Variants in PRUNE2 observed in about 807,000 individuals in gnomAD.
PRUNE2 encodes prune homolog 2 with BCH domain, also known as protein prune homolog 2.
In PRUNE2, 164 loss-of-function variants were observed where a neutral mutation model predicts 252.0. The observed-to-expected ratio is 0.65, with a 90% CI of 0.57 to 0.74. The LOEUF (loss-of-function observed/expected upper bound fraction) is 0.74. Among genes scored for constraint, PRUNE2 ranks in the 30% least tolerant of loss-of-function variants. The probability of loss-of-function intolerance (pLI) is 0.00; values close to 1 mark genes in which losing one functional copy is unlikely to be tolerated. For synonymous variants in PRUNE2, 1,292 were observed against 1,350.2 expected (o/e 0.96, Z 0.94); for missense variants, 3,495 against 3,711.0 (o/e 0.94, Z 1.51).
chr9:76,811,705 C>A (rs1399444674), intron 6 of PRUNE2, among the ~76,000 whole-genome samples: 1 of 152,118 alleles, frequency 6.6e-6, no homozygotes, highest in East Asian at 1.9e-4. Context: ...TAAATTTATT[C>A]AAAAATGCTT....
chr9:76,752,031 T>C (rs2050650510), intron 6 of PRUNE2, among the ~76,000 whole-genome samples: 1 of 82,962 alleles, frequency 1.2e-5, no homozygotes, highest in Admixed American at 1.4e-4. Context: ...AAATCAAATA[T>C]CAGGATTAGA....
intron 18 of PRUNE2, among the ~76,000 whole-genome samples, chr9:76,616,073 G>A (rs1402886351): frequency 4.0e-5 from 6 of 151,096 alleles, no homozygotes; most frequent in Non-Finnish European, 8.8e-5. Flanking sequence ...CGGCCCCTCA[G>A]TGTTTTTTTG....
chr9:76,801,059 T>A (rs1260278371), intron 6 of PRUNE2, among the ~76,000 whole-genome samples: 1 of 152,182 alleles, frequency 6.6e-6, no homozygotes, highest in Non-Finnish European at 1.5e-5. Flanking sequence ...GCTCACCAAC[T>A]GCCCTCTCCT....
At chr9:76,851,544 T>G (rs2059961184) in intron 2 of PRUNE2, among the ~76,000 whole-genome samples, 1 of 132,368 alleles carries the variant, frequency 7.6e-6, no homozygotes. Flanking sequence ...CAAGACTCTG[T>G]CTCGGAAAAA....
intron 6 of PRUNE2, among the ~76,000 whole-genome samples, chr9:76,814,295 G>C (rs115230901): frequency 6.6e-6 from 1 of 152,164 alleles, no homozygotes; most frequent in South Asian, 2.1e-4. Context: ...CCTGAGGTTA[G>C]GTCACAAGAA....
chr9:76,636,626 A>G, intron 14 of PRUNE2, 69 bp from the exon 15 acceptor site: 1 of 801,306 alleles, frequency 1.2e-6, no homozygotes, highest in Non-Finnish European at 2.1e-6. Context: ...AACATAAAAC[A>G]TATTCCTAAA....
chr9:76,751,343 T>C (rs1481807817), intron 6 of PRUNE2, among the ~76,000 whole-genome samples: 1 of 152,104 alleles, frequency 6.6e-6, no homozygotes. Flanking sequence ...GTTACTGAAA[T>C]TTAGAGTCAG....
At chr9:76,620,823 T>G (rs1297444309) in intron 17 of PRUNE2, among the ~76,000 whole-genome samples, 1 of 152,212 alleles carries the variant, frequency 6.6e-6, no homozygotes, top group Non-Finnish European at 1.5e-5. Flanking sequence ...CTTTTTAATT[T>G]TGAGTAATCC....
At chr9:76,630,442 T>C (rs1345757404) in intron 15 of PRUNE2, among the ~76,000 whole-genome samples, 1 of 152,188 alleles carries the variant, frequency 6.6e-6, no homozygotes, top group Non-Finnish European at 1.5e-5. Context: ...ATAAAAGATT[T>C]TGCCTCTGGG....
chr9:76,846,633 C>A lies in PRUNE2; in HGVS notation c.390G>T (p.Pro130=), dbSNP rs763106333. Residue 130 remains proline (P), a synonymous_variant, in exon 4 of 19, where the codon CCG becomes CCT. Transcript: ENST00000376718. ...LESAVVKVIN[P]VEQSDANVEF... ...CAACGTTGGCATCGCTCTGCTCAACCGGATTAATGACTTTGACAACTGCTG... is the reference window on the plus strand; with the variant it reads ...CAACGTTGGCATCGCTCTGCTCAACAGGATTAATGACTTTGACAACTGCTG... 5.6e-6 allele frequency: 9 copies of A among 1,613,924 alleles called. No homozygotes were observed. In the African/African-American group the frequency reaches 1.2e-4, roughly 22 times the overall value.
rs1348050926 is a variant in PRUNE2 at position 76,655,470 on chromosome 9, G to C, written c.8309C>G (p.Pro2770Arg). Residue 2770 changes from proline (P) to arginine (R), a missense_variant, in exon 10 of 19, where the codon CCC becomes CGC. Coordinates refer to ENST00000376718, the MANE Select transcript of PRUNE2 (RefSeq NM_015225.3). The stretch of plus-strand genomic sequence containing the variant: ...GGGACTCAGCACGCCCTCTTCAAAG[G>C]GGATGTCCATTCCTACATCCTCTGA... ...LLSEDVGMDIPFEEGVLSPSA... is the reference protein window; with the variant it reads ...LLSEDVGMDIRFEEGVLSPSA... 3 of 1,612,738 alleles carry C rather than the reference G, an allele frequency of 1.9e-6. No homozygotes were observed. In the African/African-American group the frequency reaches 4.0e-5, roughly 22 times the overall value.
rs1436378603 is a variant in PRUNE2, at chr9:76,906,071, G to T, written c.-108C>A. 2 of 1,195,542 alleles carry T rather than the reference G, an allele frequency of 1.7e-6. No individual in the cohort carries two copies. Among genetic ancestry groups the T allele is most frequent in the South Asian group, 2.5e-5 (2 of 81,372 alleles). 74.1% of individuals were successfully genotyped at this position (1,195,542 alleles called of 1,614,324 possible). On this transcript the variant is annotated 5_prime_UTR_variant, in exon 1 of 19. Coordinates refer to ENST00000376718, the MANE Select transcript of PRUNE2 (RefSeq NM_015225.3). The stretch of plus-strand genomic sequence containing the variant: ...GGAAAGTGGCCCGCCGGGGCGCAGC[G>T]ACCGACTGCTCCCTCCTGCCGCTCT...
chr9:76,868,708 G>A (rs966996964), intron 1 of PRUNE2, among the ~76,000 whole-genome samples: 2 of 151,994 alleles, frequency 1.3e-5, no homozygotes, highest in African/African-American at 4.8e-5. Flanking sequence ...CTGAAGACTA[G>A]TATCTTAATA....
intron 12 of PRUNE2, among the ~76,000 whole-genome samples, chr9:76,641,735 CA>C (rs1458662247): frequency 3.0e-5 from 1 of 32,968 alleles, no homozygotes; most frequent in Admixed American, 2.5e-4. Context: ...GGTGCATGAG[CA>C]ACCCCCCCCC....
intron 1 of PRUNE2, among the ~76,000 whole-genome samples, chr9:76,904,796 T>G (rs2133799409): frequency 6.6e-6 from 1 of 152,320 alleles, no homozygotes; most frequent in East Asian, 1.9e-4. Context: ...ATAGTTACAG[T>G]TAGACCATTG....
chr9:76,809,456 C>T (rs2057206205), intron 6 of PRUNE2, among the ~76,000 whole-genome samples: 1 of 152,154 alleles, frequency 6.6e-6, no homozygotes, highest in South Asian at 2.1e-4. Flanking sequence ...CTAGCACTTT[C>T]AGAGGCTGAG....
chr9:76,855,080 A>T (rs867236751), intron 1 of PRUNE2, among the ~76,000 whole-genome samples: 72 of 126,700 alleles, frequency 5.7e-4, no homozygotes, highest in East Asian at 3.1e-3. Context: ...AAAAAAAAAA[A>T]AAATATATAT....
rs1292021907 is a variant in PRUNE2 at position 76,611,487 on chromosome 9, C to T, written c.*3083G>A. ...ATTATGGAGAATTTATTTACCAAAA[C>T]GAAGTCTAACAGACACTTTATTCTG... On this transcript the variant is annotated 3_prime_UTR_variant, in exon 19 of 19. Transcript: ENST00000376718. 4 of 152,104 alleles carry T rather than the reference C, an allele frequency of 2.6e-5. No homozygotes were observed. Among genetic ancestry groups the T allele is most frequent in the Non-Finnish European group, 4.4e-5 (3 of 68,024 alleles). 9.4% of individuals were successfully genotyped at this position (152,104 alleles called of 1,614,324 possible).
At chr9:76,784,248 T>A (rs1182160874) in intron 6 of PRUNE2, 2 of 152,158 alleles carry the variant, frequency 1.3e-5, no homozygotes, top group Non-Finnish European at 2.9e-5. Flanking sequence ...GGAAAACAGA[T>A]CCTGTTGTGG....
Sources: gnomAD v4.1 joint callset for allele counts (sites outside exome capture counted in the v4.1 genomes callset) on GRCh38, gnomAD v4.1.1 for gene constraint, MANE v1.5 for transcripts, NCBI Gene and HGNC (gene_info 2026-07-23, HGNC 2026-07-21) for gene names.